The following CFAP77 variants were observed in gnomAD, a reference collection of about 807,000 sequenced individuals.
CFAP77 encodes the protein cilia and flagella associated protein 77.
A neutral mutation model predicts 31.1 loss-of-function variants in CFAP77; 25 were observed. The ratio of observed to expected loss-of-function variants is 0.80; its 90% CI spans 0.59 to 1.12. CFAP77 has a LOEUF of 1.12. CFAP77 is among the 50% of genes most tolerant of loss of function. CFAP77 has a pLI of 0.00. For missense variants in CFAP77, 377 were observed against 397.3 expected, an observed-to-expected ratio of 0.95 and a Z score of 0.44; for synonymous variants, 151 against 159.9, an observed-to-expected ratio of 0.94 and a Z score of 0.42.
chr9:132,573,012 T>C lies in CFAP77; in HGVS notation c.*502T>C, dbSNP rs1829983327. The C allele has an allele frequency of 6.5e-6, 1 of 153,756 alleles. No individual in the cohort carries two copies. Among genetic ancestry groups the C allele is most frequent in the Non-Finnish European group, 1.4e-5 (1 of 69,214 alleles). 9.5% of individuals were successfully genotyped at this position (153,756 alleles called of 1,614,324 possible). A position where few individuals can be genotyped will look rare whatever the true frequency, so the allele number is the denominator to read the frequency against. On this transcript the variant is annotated 3_prime_UTR_variant, in exon 6 of 6. Transcript: ENST00000393216. ...TGTCTCATCACGGCAGTATTATCTC[T>C]CTGGGACCTCTGACAGCAGGAAGAG... is the stretch of plus-strand genomic sequence containing the variant.
At chr9:132,546,601 G>A (rs76691315) in intron 5 of CFAP77, among the ~76,000 whole-genome samples, 9 of 152,372 alleles carry the variant, frequency 5.9e-5, no homozygotes, top group East Asian at 1.9e-4. Context: ...AGGGGCTGCC[G>A]AGACCCCCGC....
In CFAP77 at chr9:132,410,228, G is replaced by C; in HGVS notation, c.-44G>C. Reference sequence around the variant, plus strand: ...CAGGCTGTGCCCGACGTGGGGAAGCGCGCCCAAACCAGCCCGCGGGCCGGC... The same window carrying C: ...CAGGCTGTGCCCGACGTGGGGAAGCCCGCCCAAACCAGCCCGCGGGCCGGC... On this transcript the variant is annotated 5_prime_UTR_variant, in exon 1 of 6. Coordinates refer to ENST00000393216, the MANE Select transcript of CFAP77 (RefSeq NM_001282957.2). 1 of 1,495,930 alleles carries C rather than the reference G, an allele frequency of 6.7e-7. No individual in the cohort carries two copies. The highest frequency in any genetic ancestry group is 8.9e-7 in the Non-Finnish European group (1 of 1,121,956). The allele number at this position is 1,495,930 out of a possible 1,614,324, so 92.7% of individuals were successfully genotyped here.
At chr9:132,459,603 GTA>G (rs970784795) in intron 1 of CFAP77, among the ~76,000 whole-genome samples, 10 of 149,674 alleles carry the variant, frequency 6.7e-5, no homozygotes, top group African/African-American at 1.5e-4. Context: ...ATATATGCCT[GTA>G]TATGTGTGTG....
chr9:132,507,864 G>C (rs1286055530), intron 3 of CFAP77, among the ~76,000 whole-genome samples: 1 of 151,602 alleles, frequency 6.6e-6, no homozygotes, highest in African/African-American at 2.4e-5. Context: ...ATCTCGCAAA[G>C]ATCCCCGGGC....
chr9:132,467,268 C>T (rs948725937), intron 1 of CFAP77, among the ~76,000 whole-genome samples: 1 of 152,210 alleles, frequency 6.6e-6, no homozygotes, highest in Non-Finnish European at 1.5e-5. Context: ...AGTACCTTCA[C>T]ATCGTTTGTG....
Position 132,497,640 on chromosome 9 carries a change from C to T in CFAP77, c.196-1055C>T, listed in dbSNP as rs988669141. Among the ~76,000 whole-genome samples the T allele has an allele frequency of 3.3e-5, 5 of 152,148 alleles. No homozygotes were observed. Among genetic ancestry groups the T allele is most frequent in the Non-Finnish European group, 5.9e-5 (4 of 68,018 alleles). ...GTTCCAGTCCCAGCTCTGCCACTTC[C>T]TACTGCTTGACCTGAGGCAACCTGT... On this transcript the variant is annotated intron_variant, in intron 1 of 5. Coordinates refer to ENST00000393216, the MANE Select transcript of CFAP77 (RefSeq NM_001282957.2). The surrounding 1 kb of genome is among the most constrained non-coding windows in gnomAD (Gnocchi z 4.9).
At chr9:132,448,913 G>T (rs548924110) in intron 1 of CFAP77, among the ~76,000 whole-genome samples, 1 of 152,192 alleles carries the variant, frequency 6.6e-6, no homozygotes, top group East Asian at 1.9e-4. Flanking sequence ...ATGAGCAGTC[G>T]GGGAGTGGAG....
Position 132,424,724 on chromosome 9 carries a change from G to C in CFAP77, c.195+14258G>C, listed in dbSNP as rs1186836636. On this transcript the variant is annotated intron_variant, in intron 1 of 5. Coordinates refer to ENST00000393216, the MANE Select transcript of CFAP77 (RefSeq NM_001282957.2). This position sits in a 1 kb window ranked among gnomAD's most constrained non-coding sequence, Gnocchi z 4.1. ...CGGGATAAAGACGCATAGATACCGG[G>C]TTTCCCACGGATGTTGGATTTCAGG... Among the ~76,000 whole-genome samples, 1 of 152,204 alleles carries C rather than the reference G, an allele frequency of 6.6e-6. No individual in the cohort carries two copies. The highest frequency in any genetic ancestry group is 1.5e-5 in the Non-Finnish European group (1 of 68,034).
intron 1 of CFAP77, among the ~76,000 whole-genome samples, chr9:132,464,503 C>T (rs947653050): frequency 6.6e-6 from 1 of 152,082 alleles, no homozygotes; most frequent in Admixed American, 6.6e-5. Context: ...GTTCTAGAAG[C>T]CACATTCAAT....
chr9:132,498,905 A>G lies in CFAP77; in HGVS notation c.295+111A>G. The G allele has an allele frequency of 1.3e-6, 1 of 790,936 alleles. No individual in the cohort carries two copies. The highest frequency in any genetic ancestry group is 2.0e-6 in the Non-Finnish European group (1 of 490,210). 49.0% of individuals were successfully genotyped at this position (790,936 alleles called of 1,614,324 possible). ...CTTGGCAGCTGGTTGGGTGCTGGAG[A>G]AAGACCCAGGGACCGCCAGCCTGGG... On this transcript the variant is annotated intron_variant, in intron 2 of 5. Transcript: ENST00000393216. The surrounding 1 kb of genome is among the most constrained non-coding windows in gnomAD (Gnocchi z 4.2).
At chr9:132,509,261 C>T (rs998504255) in intron 3 of CFAP77, among the ~76,000 whole-genome samples, 2 of 152,196 alleles carry the variant, frequency 1.3e-5, no homozygotes, top group African/African-American at 4.8e-5. Context: ...GGTGTGGGGA[C>T]TCTGTCCAGG....
At position 132,514,035 on chromosome 9, in the gene CFAP77, CAGTG is replaced by C. The variant is rs535017669; in HGVS notation, c.524+14438_524+14441del. 5.7e-3 allele frequency among the ~76,000 whole-genome samples: 725 copies of C among 126,218 alleles called. 44 individuals are homozygous for C. Among genetic ancestry groups the C allele is most frequent in the Admixed American group, 0.018 (214 of 12,080 alleles). 82.8% of individuals were successfully genotyped at this position (126,218 alleles called of 152,430 possible). On this transcript the variant is annotated intron_variant, in intron 3 of 5. Transcript: ENST00000393216. ...CCCCTGTGTCACTGAACACGGGTGA[CAGTG>C]AGGAGATCCCCCCGTCTTGTGTCCC...
At chr9:132,417,821 A>G (rs1299168558) in intron 1 of CFAP77, among the ~76,000 whole-genome samples, 1 of 152,244 alleles carries the variant, frequency 6.6e-6, no homozygotes, top group African/African-American at 2.4e-5. Context: ...CTTTAAGTCA[A>G]CGTTAAATGT....
At chr9:132,559,346 C>CAAAAAAAAAAAAAAAAAAAAAAAAA (rs35737685) in intron 5 of CFAP77, among the ~76,000 whole-genome samples, 37 of 56,082 alleles carry the variant, frequency 6.6e-4, no homozygotes, top group Admixed American at 1.2e-3. Flanking sequence ...CTCTGTCTTG[C>CAAAAAAAAAAAAAAAAAAAAAAAAA]AAAAAAAAAA....
intron 5 of CFAP77, among the ~76,000 whole-genome samples, chr9:132,563,545 A>C (rs1039101596): frequency 6.6e-6 from 1 of 152,168 alleles, no homozygotes; most frequent in Non-Finnish European, 1.5e-5. Context: ...ATGGACATGC[A>C]GTTGTTCCCG....
In CFAP77 at chr9:132,495,386, C is replaced by T. The variant is rs1851725390; in HGVS notation, c.196-3309C>T. Among the ~76,000 whole-genome samples, 2 of 152,166 alleles carry T rather than the reference C, an allele frequency of 1.3e-5. No homozygotes were observed. Among genetic ancestry groups the T allele is most frequent in the South Asian group, 4.1e-4 (2 of 4,830 alleles). On this transcript the variant is annotated intron_variant, in intron 1 of 5. Coordinates refer to ENST00000393216, the MANE Select transcript of CFAP77 (RefSeq NM_001282957.2). The surrounding 1 kb of genome is among the most constrained non-coding windows in gnomAD (Gnocchi z 4.2). ...GCACCTGCCTTGAGGGAGGCAGAGT[C>T]TCTCCCAGAGAAGTCACATTTTAAT...
chr9:132,455,441 G>A lies in CFAP77; in HGVS notation c.196-43254G>A, dbSNP rs946674062. On this transcript the variant is annotated intron_variant, in intron 1 of 5. Coordinates refer to ENST00000393216, the MANE Select transcript of CFAP77 (RefSeq NM_001282957.2). This position sits in a 1 kb window ranked among gnomAD's most constrained non-coding sequence, Gnocchi z 4.1. The stretch of plus-strand genomic sequence containing the variant: ...GAGGACTGCTTGAAACCAGGAGGTG[G>A]AGGTTGCGGTGAGCTGAGATCGTGC... Among the ~76,000 whole-genome samples the A allele has an allele frequency of 1.3e-5, 2 of 151,808 alleles. No individual in the cohort carries two copies. The highest frequency in any genetic ancestry group is 2.4e-5 in the African/African-American group (1 of 41,326).
Position 132,480,337 on chromosome 9 carries a change from CT to C in CFAP77, c.196-18357del, listed in dbSNP as rs1313358774. Among the ~76,000 whole-genome samples, 1 of 152,138 alleles carries C rather than the reference CT, an allele frequency of 6.6e-6. No homozygotes were observed. The highest frequency in any genetic ancestry group is 6.5e-5 in the Admixed American group (1 of 15,288). ...GGAAAGGGCTTTCCCACTTTTTGCC[CT>C]CATAGCTCAACTCCCTAGGGAATTT... On this transcript the variant is annotated intron_variant, in intron 1 of 5. Coordinates refer to ENST00000393216, the MANE Select transcript of CFAP77 (RefSeq NM_001282957.2). The surrounding 1 kb of genome is among the most constrained non-coding windows in gnomAD (Gnocchi z 5.8).
chr9:132,540,165 C>T (rs1020638143), intron 4 of CFAP77, among the ~76,000 whole-genome samples: 7 of 152,006 alleles, frequency 4.6e-5, no homozygotes, highest in Non-Finnish European at 8.8e-5. Flanking sequence ...CCTAACCTCA[C>T]GTGATCCACC....
Sources: allele counts gnomAD v4.1 joint callset (sites outside exome capture counted in the v4.1 genomes callset), GRCh38; gene constraint gnomAD v4.1.1; non-coding constraint Gnocchi (gnomAD v3.1); transcripts MANE v1.5; gene names NCBI Gene and HGNC (gene_info 2026-07-23, HGNC 2026-07-21).